PTPRB: variants seen among roughly 807,000 people sequenced by gnomAD.
PTPRB encodes the protein receptor-type tyrosine-protein phosphatase beta.
In PTPRB, 97 loss-of-function variants were observed where a neutral mutation model predicts 238.1. The observed-to-expected ratio is 0.41, with a 90% CI of 0.35 to 0.48. The LOEUF (loss-of-function observed/expected upper bound fraction) is 0.48. PTPRB is among the 20% of genes least tolerant of loss of function. The pLI, the probability that PTPRB is intolerant of heterozygous loss-of-function variation, is 0.30. For synonymous variants in PTPRB, 970 were observed against 995.4 expected (o/e 0.97, Z 0.48); for missense variants, 2,292 against 2,681.9 (o/e 0.85, Z 3.21).
intron 21 of PTPRB, among the ~76,000 whole-genome samples, chr12:70,551,701 A>G (rs1876903531): frequency 6.6e-6 from 1 of 152,170 alleles, no homozygotes; most frequent in Admixed American, 6.5e-5. Context: ...CACCCAACAG[A>G]GAAGGTACAT....
chr12:70,560,338 G>A lies in PTPRB; in HGVS notation c.4432+333C>T, dbSNP rs722905. ...ACTCCAGGGTGGCACACAGACCTCTGTGTGTGCCCATGACATAAAAACAGT... is the reference window on the plus strand; with the variant it reads ...ACTCCAGGGTGGCACACAGACCTCTATGTGTGCCCATGACATAAAAACAGT... On this transcript the variant is annotated intron_variant, in intron 17 of 33. Coordinates refer to ENST00000334414, the MANE Select transcript of PTPRB (RefSeq NM_001109754.4). This position sits in a 1 kb window ranked among gnomAD's most constrained non-coding sequence, Gnocchi z 4.2. Among the ~76,000 whole-genome samples, 30,300 of 152,014 alleles carry A rather than the reference G, an allele frequency of 0.2. 3,165 individuals carry two copies. Among genetic ancestry groups the A allele is most frequent in the South Asian group, 0.3 (1,442 of 4,808 alleles).
chr12:70,539,590 A>C, intron 26 of PTPRB, 35 bp downstream of exon 26: 1 of 1,432,808 alleles, frequency 7.0e-7, no homozygotes, highest in Non-Finnish European at 9.6e-7. Flanking sequence ...GCTAAGAACT[A>C]GGGATGCTGA....
intron 9 of PTPRB, among the ~76,000 whole-genome samples, chr12:70,583,375 A>G (rs1419651845): frequency 6.6e-6 from 1 of 152,180 alleles, no homozygotes; most frequent in South Asian, 2.1e-4. Context: ...AGATTCTCAA[A>G]GGCCAAAAAG....
At chr12:70,612,482 G>A (rs1884499664) in intron 3 of PTPRB, among the ~76,000 whole-genome samples, 1 of 152,078 alleles carries the variant, frequency 6.6e-6, no homozygotes, top group Non-Finnish European at 1.5e-5. Context: ...AACTTCTCTT[G>A]AGCCTGCTTG....
intron 29 of PTPRB, among the ~76,000 whole-genome samples, 162 bp from the exon 30 acceptor site, chr12:70,535,117 G>A (rs1032680599): frequency 2.6e-5 from 4 of 151,918 alleles, no homozygotes; most frequent in Non-Finnish European, 5.9e-5. Flanking sequence ...GGCCAGTGCT[G>A]AAGCTGAGGT....
intron 14 of PTPRB, among the ~76,000 whole-genome samples, chr12:70,569,214 C>T (rs1262834391): frequency 6.6e-6 from 1 of 152,000 alleles, no homozygotes; most frequent in Non-Finnish European, 1.5e-5. Flanking sequence ...GTGATTCTTC[C>T]ACCTCAGCCT....
rs527869546 is a variant in PTPRB at position 70,616,586 on chromosome 12, G to A, written c.708+5804C>T. Among the ~76,000 whole-genome samples the A allele has an allele frequency of 2.2e-3, 342 of 152,306 alleles. 2 individuals carry two copies. Among genetic ancestry groups the A allele is most frequent in the Middle Eastern group, 6.8e-3 (2 of 294 alleles). On this transcript the variant is annotated intron_variant, in intron 3 of 33. Transcript: ENST00000334414. ...GGTCTGAGGTGGAATCTTAGAATAT[G>A]TATCTTTCAAAAGCTTCCCAGGTGA...
At chr12:70,631,477 T>C (rs1211525138) in intron 2 of PTPRB, among the ~76,000 whole-genome samples, 4 of 152,108 alleles carry the variant, frequency 2.6e-5, no homozygotes, top group African/African-American at 9.7e-5. Flanking sequence ...ATAAAAACCC[T>C]AGAAGAAAAC....
chr12:70,612,056 A>T (rs182008729), intron 3 of PTPRB, among the ~76,000 whole-genome samples: 186 of 152,226 alleles, frequency 1.2e-3, no homozygotes, highest in Admixed American at 4.8e-3. Flanking sequence ...ACTTTCCTCA[A>T]CTGTAACATT....
At chr12:70,589,165 A>C (rs1882234154) in intron 8 of PTPRB, among the ~76,000 whole-genome samples, 1 of 152,134 alleles carries the variant, frequency 6.6e-6, no homozygotes, top group South Asian at 2.1e-4. Context: ...CATCCAGTGG[A>C]TATTAATATT....
Position 70,609,354 on chromosome 12 carries a change from G to A in PTPRB, c.709-15C>T, listed in dbSNP as rs749963997. The A allele has an allele frequency of 5.6e-6, 9 of 1,611,832 alleles. No individual in the cohort carries two copies. The highest frequency in any genetic ancestry group is 1.1e-5 in the South Asian group (1 of 90,790). On this transcript the variant is annotated splice_polypyrimidine_tract_variant and intron_variant, in intron 3 of 33. Coordinates refer to ENST00000334414, the MANE Select transcript of PTPRB (RefSeq NM_001109754.4). ...GCCAGTCCAGTCTGCAAAGGAATCA[G>A]ACACAACAGTTTAAGTCCACAGTCT...
intron 3 of PTPRB, among the ~76,000 whole-genome samples, chr12:70,610,570 A>G (rs1884388027): frequency 6.6e-6 from 1 of 151,816 alleles, no homozygotes. Context: ...TGCCCTTCTC[A>G]CTTCAAAGCA....
intron 7 of PTPRB, chr12:70,591,671 T>A (rs991984200): frequency 2.6e-5 from 4 of 152,332 alleles, no homozygotes; most frequent in African/African-American, 9.6e-5. Flanking sequence ...GTAGTAAATA[T>A]TTCAGGTTTT....
At chr12:70,611,283 CTATTTATT>C (rs555158055) in intron 3 of PTPRB, among the ~76,000 whole-genome samples, 1 of 151,960 alleles carries the variant, frequency 6.6e-6, no homozygotes, top group Non-Finnish European at 1.5e-5. Flanking sequence ...TGTTTCAATT[CTATTTATT>C]TATTTATTTA....
chr12:70,540,233 A>G (rs1874849491), intron 23 of PTPRB: 1 of 469,300 alleles, frequency 2.1e-6, no homozygotes, highest in Non-Finnish European at 3.8e-6. Flanking sequence ...CAAAAACTGA[A>G]GATTTGTCTC....
At position 70,536,103 on chromosome 12, in the gene PTPRB, C is replaced by A; in HGVS notation, c.6003G>T (p.Lys2001Asn). ...IVTQGPLPGT[K>N]DDFWKMVWEQ... is the part of the protein sequence containing the mutation. Reference sequence around the variant, plus strand: ...CCCACACCATTTTCCAGAAGTCATCCTTGGTGCCAGGAAGCGGTCCCTGAG... The same window carrying A: ...CCCACACCATTTTCCAGAAGTCATCATTGGTGCCAGGAAGCGGTCCCTGAG... Residue 2001 changes from lysine (K) to asparagine (N), a missense_variant, in exon 29 of 34, where the codon AAG becomes AAT. Physicochemically the swap from Lys to Asn is moderately conservative, Grantham distance 94. Coordinates refer to ENST00000334414, the MANE Select transcript of PTPRB (RefSeq NM_001109754.4). 6.2e-7 allele frequency: 1 copy of A among 1,613,756 alleles called. No individual in the cohort carries two copies. Among genetic ancestry groups the A allele is most frequent in the Non-Finnish European group, 8.5e-7 (1 of 1,179,756 alleles).
At chr12:70,609,402 C>T (rs1884245688) in intron 3 of PTPRB, 63 bp from the exon 4 acceptor site, 1 of 1,549,728 alleles carries the variant, frequency 6.5e-7, no homozygotes, top group African/African-American at 1.4e-5. Flanking sequence ...GACATGTCCA[C>T]AGCAAGCTCC....
At chr12:70,603,816 G>A (rs1042876301) in intron 4 of PTPRB, among the ~76,000 whole-genome samples, 3 of 152,128 alleles carry the variant, frequency 2.0e-5, no homozygotes, top group Admixed American at 6.5e-5. Context: ...CCAAAATAAC[G>A]TGGCTAGTAA....
intron 4 of PTPRB, among the ~76,000 whole-genome samples, chr12:70,607,916 T>C (rs1884096964): frequency 6.6e-6 from 1 of 152,132 alleles, no homozygotes; most frequent in Non-Finnish European, 1.5e-5. Flanking sequence ...AAATCTCAGA[T>C]ATCATCTAAA....
Sources: gnomAD v4.1 joint callset for allele counts (sites outside exome capture counted in the v4.1 genomes callset) on GRCh38, gnomAD v4.1.1 for gene constraint, Gnocchi (gnomAD v3.1) non-coding constraint, MANE v1.5 for transcripts, NCBI Gene and HGNC (gene_info 2026-07-23, HGNC 2026-07-21) for gene names.